The following ADAMTS12 variants were observed in gnomAD, a reference collection of about 807,000 sequenced individuals.
ADAMTS12 encodes ADAM metallopeptidase with thrombospondin type 1 motif 12.
In ADAMTS12, 118 loss-of-function variants were observed where a neutral mutation model predicts 167.8. That is an observed-to-expected ratio of 0.70 (90% CI 0.61 to 0.82). ADAMTS12 has a LOEUF of 0.82. ADAMTS12 is among the 40% of genes least tolerant of loss of function. The pLI, the probability that ADAMTS12 is intolerant of heterozygous loss-of-function variation, is 0.00. For synonymous variants in ADAMTS12, 704 were observed against 716.9 expected, an observed-to-expected ratio of 0.98 and a Z score of 0.29; for missense variants, 1,916 against 1,998.8, an observed-to-expected ratio of 0.96 and a Z score of 0.79.
chr5:33,869,550 C>T (rs1749958475), intron 2 of ADAMTS12, among the ~76,000 whole-genome samples: 1 of 152,070 alleles, frequency 6.6e-6, no homozygotes, highest in Admixed American at 6.5e-5. Flanking sequence ...GGGGAGACAT[C>T]ACATGTTGGC....
Position 33,891,537 on chromosome 5 carries a change from G to A in ADAMTS12, c.127+193C>T, listed in dbSNP as rs546335547. ...TACTCACCTTTCTATAAGAATGAAG[G>A]ACTCATCACCTTAAGCACTGAATTC... On this transcript the variant is annotated intron_variant, in intron 1 of 23. Transcript: ENST00000504830. 191 of 700,766 alleles carry A rather than the reference G, an allele frequency of 2.7e-4. 2 individuals are homozygous for A. Among genetic ancestry groups the A allele is most frequent in the South Asian group, 2.3e-3 (109 of 48,352 alleles). 43.4% of individuals were successfully genotyped at this position (700,766 alleles called of 1,614,324 possible). A position where few individuals can be genotyped will look rare whatever the true frequency, so the allele number is the denominator to read the frequency against.
chr5:33,574,477 A>C (rs1031951059), intron 19 of ADAMTS12, among the ~76,000 whole-genome samples: 2 of 152,178 alleles, frequency 1.3e-5, no homozygotes, highest in African/African-American at 4.8e-5. Flanking sequence ...AATCATCATT[A>C]TCAGTAAACT....
chr5:33,788,011 T>TA (rs1214779316), intron 2 of ADAMTS12, among the ~76,000 whole-genome samples: 6 of 152,154 alleles, frequency 3.9e-5, no homozygotes, highest in Non-Finnish European at 8.8e-5. Flanking sequence ...TGGCAACACT[T>TA]AGCCACCCAC....
chr5:33,846,456 T>C (rs1348033627), intron 2 of ADAMTS12, among the ~76,000 whole-genome samples: 1 of 152,260 alleles, frequency 6.6e-6, no homozygotes, highest in African/African-American at 2.4e-5. Flanking sequence ...GAATTGAGTT[T>C]CTAAAGTTCC....
At chr5:33,748,235 A>C (rs909303448) in intron 3 of ADAMTS12, among the ~76,000 whole-genome samples, 8 of 152,168 alleles carry the variant, frequency 5.3e-5, no homozygotes, top group African/African-American at 1.9e-4. Context: ...CTCACCAAAA[A>C]GCCTTAGAGA....
At chr5:33,806,626 G>A (rs1747239566) in intron 2 of ADAMTS12, among the ~76,000 whole-genome samples, 1 of 152,078 alleles carries the variant, frequency 6.6e-6, no homozygotes, top group Non-Finnish European at 1.5e-5. Context: ...CTCTGTCTGA[G>A]CTTCTTGATA....
intron 3 of ADAMTS12, among the ~76,000 whole-genome samples, chr5:33,740,111 G>A (rs1744511457): frequency 1.3e-5 from 2 of 152,170 alleles, no homozygotes; most frequent in Non-Finnish European, 2.9e-5. Flanking sequence ...GCCCAAGTCA[G>A]GGAATGACAG....
chr5:33,858,771 C>G (rs767363247), intron 2 of ADAMTS12, among the ~76,000 whole-genome samples: 12 of 152,048 alleles, frequency 7.9e-5, no homozygotes, highest in Non-Finnish European at 1.5e-4. Flanking sequence ...GAGATCAATG[C>G]AGAAGGCAGG....
At chr5:33,554,841 AC>A (rs1745418974) in intron 20 of ADAMTS12, among the ~76,000 whole-genome samples, 1 of 152,232 alleles carries the variant, frequency 6.6e-6, no homozygotes, top group Non-Finnish European at 1.5e-5. Flanking sequence ...GTTAGCAAAT[AC>A]ATGAAATCCA....
intron 17 of ADAMTS12, among the ~76,000 whole-genome samples, chr5:33,594,551 C>T (rs183392890): frequency 1.4e-3 from 220 of 152,288 alleles, no homozygotes; most frequent in Non-Finnish European, 4.7e-4. Context: ...GTCTTCCCTG[C>T]CTCATTCTTC....
chr5:33,685,552 G>T (rs1742293970), intron 3 of ADAMTS12, among the ~76,000 whole-genome samples: 1 of 152,148 alleles, frequency 6.6e-6, no homozygotes, highest in South Asian at 2.1e-4. Context: ...AGACATGTTT[G>T]GCGATATTGA....
At chr5:33,800,643 G>T (rs1314358631) in intron 2 of ADAMTS12, among the ~76,000 whole-genome samples, 3 of 145,982 alleles carry the variant, frequency 2.1e-5, no homozygotes, top group Non-Finnish European at 4.5e-5. Context: ...TTTTTTTTTT[G>T]AGCTCTAGTT....
chr5:33,760,407 A>C (rs1745306916), intron 2 of ADAMTS12, among the ~76,000 whole-genome samples: 1 of 152,214 alleles, frequency 6.6e-6, no homozygotes, highest in South Asian at 2.1e-4. Context: ...ACATTCCAGT[A>C]GGCAGATACT....
At chr5:33,847,618 C>T (rs2591740) in intron 2 of ADAMTS12, among the ~76,000 whole-genome samples, 4,321 of 149,594 alleles carry the variant, frequency 0.029, 179 homozygotes, top group East Asian at 0.2. Context: ...AGCAAAACTC[C>T]ATCTCAAAAA....
At chr5:33,662,095 C>T in intron 5 of ADAMTS12, 55 bp from the exon 6 acceptor site, 1 of 1,588,606 alleles carries the variant, frequency 6.3e-7, no homozygotes, top group Non-Finnish European at 8.5e-7. Flanking sequence ...GGTCAGGGAC[C>T]ATTGCATTAG....
At chr5:33,574,153 T>C (rs534211124) in intron 19 of ADAMTS12, among the ~76,000 whole-genome samples, 2 of 151,832 alleles carry the variant, frequency 1.3e-5, no homozygotes, top group Non-Finnish European at 1.5e-5. Flanking sequence ...TTGGTGGGAC[T>C]GTAAACTAGT....
At chr5:33,559,500 C>T (rs886129822) in intron 20 of ADAMTS12, among the ~76,000 whole-genome samples, 1 of 152,180 alleles carries the variant, frequency 6.6e-6, no homozygotes, top group Admixed American at 6.5e-5. Context: ...AAACCTGATA[C>T]GTTCTTTTCA....
At chr5:33,810,367 A>G (rs183619840) in intron 2 of ADAMTS12, among the ~76,000 whole-genome samples, 3 of 152,310 alleles carry the variant, frequency 2.0e-5, no homozygotes, top group African/African-American at 7.2e-5. Context: ...AGGCATAACA[A>G]CTACGTTTCA....
In ADAMTS12 at chr5:33,682,978, C is replaced by A. The variant is rs372837936; in HGVS notation, c.915+40G>T. ...CCTGAAAAAAAGAAGGTAGGAAGTG[C>A]GAGGACATATAGCAGAAGAGTGAAG... On this transcript the variant is annotated intron_variant, in intron 5 of 23. Transcript: ENST00000504830. 6 of 1,553,356 alleles carry A rather than the reference C, an allele frequency of 3.9e-6. No individual in the cohort carries two copies. The African/African-American group carries it at 4.1e-5, about 11-fold the overall frequency.
Sources: allele counts gnomAD v4.1 joint callset (sites outside exome capture counted in the v4.1 genomes callset), GRCh38; gene constraint gnomAD v4.1.1; transcripts MANE v1.5; gene names NCBI Gene and HGNC (gene_info 2026-07-23, HGNC 2026-07-21).